ZBTB17: variants seen among roughly 807,000 people sequenced by gnomAD.
ZBTB17 encodes the protein zinc finger and BTB domain-containing protein 17.
ZBTB17 carries 24 observed loss-of-function variants against 85.1 expected under a neutral mutation model. The observed-to-expected ratio is 0.28, with a 90% CI of 0.20 to 0.40. ZBTB17 has a LOEUF of 0.40. Ranked by LOEUF, ZBTB17 falls within the 10% of genes least tolerant of loss-of-function variation. The pLI is 1.00. For missense variants in ZBTB17, 743 were observed against 1,105.1 expected (o/e 0.67, Z 4.65); for synonymous variants, 464 against 460.2 (o/e 1.01, Z -0.11).
intron 2 of ZBTB17, among the ~76,000 whole-genome samples, chr1:15,956,688 T>G (rs917300067): frequency 6.6e-6 from 1 of 152,090 alleles, no homozygotes; most frequent in African/African-American, 2.4e-5. Flanking sequence ...AACAGATACA[T>G]AGAGAGAGAG....
In ZBTB17 at chr1:15,964,107, G is replaced by C. The variant is rs2072356276; in HGVS notation, c.-3+8932C>G. Among the ~76,000 whole-genome samples the C allele has an allele frequency of 6.8e-6, 1 of 146,178 alleles. No individual in the cohort carries two copies. The highest frequency in any genetic ancestry group is 2.5e-5 in the African/African-American group (1 of 39,578). On this transcript the variant is annotated intron_variant, in intron 2 of 15. Coordinates refer to ENST00000375743, the MANE Select transcript of ZBTB17 (RefSeq NM_003443.3). This position sits in a 1 kb window ranked among gnomAD's most constrained non-coding sequence, Gnocchi z 4.3. Reference sequence around the variant, plus strand: ...GGCACTCCAGCCTGGACAACAGCGAGACCCTGTCTCTAGAGAGAAAAAAAA... The same window carrying C: ...GGCACTCCAGCCTGGACAACAGCGACACCCTGTCTCTAGAGAGAAAAAAAA...
chr1:15,953,180 AT>A lies in ZBTB17; in HGVS notation c.-2-4684del, dbSNP rs112043935. The stretch of plus-strand genomic sequence containing the variant: ...ACATTCCAATTATTTAAAAAAATGT[AT>A]TTTTTTTTTTTTGTAGAAGCAGGAT... On this transcript the variant is annotated intron_variant, in intron 2 of 15. Coordinates refer to ENST00000375743, the MANE Select transcript of ZBTB17 (RefSeq NM_003443.3). The surrounding 1 kb of genome is among the most constrained non-coding windows in gnomAD (Gnocchi z 5.1). 0.035 allele frequency among the ~76,000 whole-genome samples: 5,009 copies of A among 144,848 alleles called. 246 individuals are homozygous for A. Among genetic ancestry groups the A allele is most frequent in the African/African-American group, 0.11 (4,491 of 39,844 alleles).
chr1:15,952,046 C>T lies in ZBTB17; in HGVS notation c.-2-3549G>A, dbSNP rs138141528. Among the ~76,000 whole-genome samples the T allele has an allele frequency of 2.4e-3, 372 of 152,278 alleles. 3 individuals carry two copies. The highest frequency in any genetic ancestry group is 7.7e-3 in the African/African-American group (319 of 41,558). On this transcript the variant is annotated intron_variant, in intron 2 of 15. Coordinates refer to ENST00000375743, the MANE Select transcript of ZBTB17 (RefSeq NM_003443.3). This position sits in a 1 kb window ranked among gnomAD's most constrained non-coding sequence, Gnocchi z 4.3. ...GGTCTGTGGTCTTGTCTTCACCTTG[C>T]GTGATGGGCGATAAATATGTGCACT...
rs1335532943 is a variant in ZBTB17, at chr1:15,942,127, C to T, written c.2254G>A (p.Asp752Asn). 4 of 1,613,484 alleles carry T rather than the reference C, an allele frequency of 2.5e-6. No individual in the cohort carries two copies. The highest frequency in any genetic ancestry group is 2.2e-5 in the East Asian group (1 of 44,882). Reference sequence around the variant, plus strand: ...CCTGGCCCATACTGCTGATAGAAGTCCGCGTCTGTCTGGAACATGACCAGT... The same window carrying T: ...CCTGGCCCATACTGCTGATAGAAGTTCGCGTCTGTCTGGAACATGACCAGT... ...QALVMFQTDADFYQQYGPGGT... is the reference protein window; with the variant it reads ...QALVMFQTDANFYQQYGPGGT... The change falls in exon 16 of 16, where the codon GAC becomes AAC. Residue 752 changes from aspartate to asparagine, a missense_variant. Physicochemically the swap from Asp to Asn is conservative, Grantham distance 23. Transcript: ENST00000375743.
chr1:15,957,747 T>C (rs911547810), intron 2 of ZBTB17, among the ~76,000 whole-genome samples: 1 of 152,134 alleles, frequency 6.6e-6, no homozygotes, highest in African/African-American at 2.4e-5. Context: ...ATTAGGAATA[T>C]GTTTTGGCAG....
intron 2 of ZBTB17, among the ~76,000 whole-genome samples, chr1:15,949,501 C>A (rs570013010): frequency 6.6e-6 from 1 of 152,374 alleles, no homozygotes; most frequent in South Asian, 2.1e-4. Flanking sequence ...CTGGGCACGG[C>A]TGTCACGCCC....
chr1:15,946,245 G>C lies in ZBTB17; in HGVS notation c.444C>G (p.Ser148Arg). ...KEEKVATSTL[S>R]RLEQAGRSTP... ...TGCTGCGTCCTGCCTGCTCCAGCCT[G>C]CTCAGCGTGCTGGTGGCCACCTTCT... Residue 148 changes from serine to arginine, a missense_variant, in exon 5 of 16, where the codon AGC (serine) becomes AGG (arginine). This residue lies in a region of ZBTB17 where 279 missense variants were observed against 269.9 expected (regional missense o/e 1.03). Coordinates refer to ENST00000375743, the MANE Select transcript of ZBTB17 (RefSeq NM_003443.3). 1 of 1,613,874 alleles carries C rather than the reference G, an allele frequency of 6.2e-7. No individual in the cohort carries two copies. The highest frequency in any genetic ancestry group is 1.1e-5 in the South Asian group (1 of 91,084).
At chr1:15,970,895 C>A (rs1185970251) in intron 2 of ZBTB17, among the ~76,000 whole-genome samples, 1 of 152,196 alleles carries the variant, frequency 6.6e-6, no homozygotes, top group Non-Finnish European at 1.5e-5. Context: ...ACTAAATCTC[C>A]TGAGCATATT....
At chr1:15,971,026 GA>G (rs200599565) in intron 2 of ZBTB17, among the ~76,000 whole-genome samples, 3 of 150,770 alleles carry the variant, frequency 2.0e-5, no homozygotes, top group African/African-American at 4.9e-5. Flanking sequence ...TCAATAGAGG[GA>G]AAAAAAAAGT....
intron 9 of ZBTB17, chr1:15,944,099 C>T (rs2071479735): frequency 2.0e-6 from 2 of 1,020,360 alleles, no homozygotes; most frequent in Non-Finnish European, 3.0e-6. Flanking sequence ...CCAAACCCCG[C>T]CCTGAGTCGG....
At chr1:15,969,866 C>T (rs1570213303) in intron 2 of ZBTB17, 1 of 591,286 alleles carries the variant, frequency 1.7e-6, no homozygotes, top group East Asian at 3.4e-5. Flanking sequence ...ATTTCATTGA[C>T]TGTAAAATTC....
In ZBTB17 at chr1:15,944,603, G is replaced by A; in HGVS notation, c.1071-3C>T. ...CGCAGCCGTAGGGCTTCAGAGGGCT[G>A]CAGGGCCAGAAGGCGACAGGAGGCA... is the stretch of plus-strand genomic sequence containing the variant. On this transcript the variant is annotated splice_region_variant and splice_polypyrimidine_tract_variant and intron_variant, in intron 8 of 15. Coordinates refer to ENST00000375743, the MANE Select transcript of ZBTB17 (RefSeq NM_003443.3). The A allele has an allele frequency of 1.3e-6, 2 of 1,599,624 alleles. No homozygotes were observed.
At chr1:15,970,914 C>G (rs2148816121) in intron 2 of ZBTB17, among the ~76,000 whole-genome samples, 1 of 152,348 alleles carries the variant, frequency 6.6e-6, no homozygotes, top group Middle Eastern at 3.4e-3. Context: ...TTCAGGCAGT[C>G]AGGTCTGCAC....
In ZBTB17 at chr1:15,964,764, T is replaced by G. The variant is rs867861229; in HGVS notation, c.-3+8275A>C. On this transcript the variant is annotated intron_variant, in intron 2 of 15. Transcript: ENST00000375743. The surrounding 1 kb of genome is among the most constrained non-coding windows in gnomAD (Gnocchi z 4.3). ...GAAGAGCAATGGGCCAAGGATTTAC[T>G]AGACACCAGTTCACCAGTTTTCTAA... Among the ~76,000 whole-genome samples the G allele has an allele frequency of 6.6e-6, 1 of 152,066 alleles. No homozygotes were observed. The highest frequency in any genetic ancestry group is 2.4e-5 in the African/African-American group (1 of 41,396).
rs912711744 is a variant in ZBTB17, at chr1:15,952,195, C to A, written c.-2-3698G>T. 1.3e-5 allele frequency among the ~76,000 whole-genome samples: 2 copies of A among 152,234 alleles called. No individual in the cohort carries two copies. The highest frequency in any genetic ancestry group is 4.8e-5 in the African/African-American group (2 of 41,458). ...TAGATGCAGACTGACCTGACCCCCA[C>A]TCACAAAGTCTTAGCTGCAATCGGG... On this transcript the variant is annotated intron_variant, in intron 2 of 15. Coordinates refer to ENST00000375743, the MANE Select transcript of ZBTB17 (RefSeq NM_003443.3). The surrounding 1 kb of genome is among the most constrained non-coding windows in gnomAD (Gnocchi z 4.3).
intron 2 of ZBTB17, 74 bp from the exon 3 acceptor site, chr1:15,948,571 G>A (rs2071708124): frequency 7.5e-6 from 11 of 1,470,252 alleles, no homozygotes; most frequent in Admixed American, 5.8e-5. Flanking sequence ...CACTCCTAAA[G>A]TCCCAGGCGA....
Position 15,955,039 on chromosome 1 carries a change from G to A in ZBTB17, c.-2-6542C>T, listed in dbSNP as rs1295999060. ...TGTGGTGGTGCGCACCTGTAGTCCC[G>A]GCTACTCGGGAGGCTGAGGCAGGAG... On this transcript the variant is annotated intron_variant, in intron 2 of 15. Coordinates refer to ENST00000375743, the MANE Select transcript of ZBTB17 (RefSeq NM_003443.3). Among the ~76,000 whole-genome samples, 7 of 151,544 alleles carry A rather than the reference G, an allele frequency of 4.6e-5. No homozygotes were observed. The East Asian group carries it at 9.7e-4, about 21-fold the overall frequency.
chr1:15,974,564 T>C (rs1024015472), intron 1 of ZBTB17, among the ~76,000 whole-genome samples: 2 of 151,850 alleles, frequency 1.3e-5, no homozygotes, highest in Admixed American at 6.6e-5. Context: ...GACCACAGCT[T>C]GCTGCTGCTT....
chr1:15,972,310 C>T (rs900363802), intron 2 of ZBTB17, among the ~76,000 whole-genome samples: 1 of 152,236 alleles, frequency 6.6e-6, no homozygotes, highest in Non-Finnish European at 1.5e-5. Context: ...TGTAAACCTA[C>T]CCAAAGCCAG....
Sources: gnomAD v4.1 joint callset for allele counts (sites outside exome capture counted in the v4.1 genomes callset) on GRCh38, gnomAD v4.1.1 for gene constraint, gnomAD v4.1.1 regional missense constraint, Gnocchi (gnomAD v3.1) non-coding constraint, MANE v1.5 for transcripts, NCBI Gene and HGNC (gene_info 2026-07-23, HGNC 2026-07-21) for gene names.